ZNF707: variants seen among roughly 807,000 people sequenced by gnomAD.
The protein encoded by ZNF707 is zinc finger protein 707.
Under a neutral mutation model 13.3 loss-of-function variants are expected in ZNF707, and 8 were observed. That is an observed-to-expected ratio of 0.60 (90% CI 0.35 to 1.09). The LOEUF is 1.09. Among genes scored for constraint, ZNF707 ranks in the 50% least tolerant of loss-of-function variants. ZNF707 has a pLI of 0.02. For synonymous variants in ZNF707, 225 were observed against 205.6 expected (o/e 1.09, Z -0.81); for missense variants, 530 against 512.6 (o/e 1.03, Z -0.33).
chr8:143,689,944 T>G, intron 2 of ZNF707, 113 bp from the exon 3 acceptor site: 1 of 789,620 alleles, frequency 1.3e-6, no homozygotes, highest in Non-Finnish European at 2.1e-6. Context: ...TGTGTGTGCA[T>G]CACTCATTTT....
intron 1 of ZNF707, among the ~76,000 whole-genome samples, chr8:143,686,472 G>A (rs1816282213): frequency 6.6e-6 from 1 of 152,180 alleles, no homozygotes; most frequent in Non-Finnish European, 1.5e-5. Flanking sequence ...TGTGCTCAGT[G>A]TGCCTTTTCA....
At chr8:143,691,500 C>T in intron 4 of ZNF707, 100 bp from the exon 5 acceptor site, 1 of 1,330,610 alleles carries the variant, frequency 7.5e-7, no homozygotes, top group Non-Finnish European at 1.0e-6. Flanking sequence ...CTCCCGAGGG[C>T]TGGCCTGGCG....
Position 143,693,799 on chromosome 8 carries a change from G to C in ZNF707, c.385G>C (p.Asp129His), listed in dbSNP as rs1817063760. The change falls in exon 6 of 6, where the codon GAT becomes CAT. Residue 129 changes from aspartate to histidine, a missense_variant. Asp to His is a moderately conservative substitution (Grantham distance 81). Coordinates refer to ENST00000358656, the MANE Select transcript of ZNF707 (RefSeq NM_001100598.2). The surrounding 1 kb of genome is among the most constrained non-coding windows in gnomAD (Gnocchi z 4.1). ...SFRKGFRLDT[D>H]DGQLPRAAPE... is the part of the protein sequence containing the mutation. ...TAGGAAGGGCTTCAGGCTGGACACG[G>C]ATGACGGGCAGCTTCCCAGAGCTGC... is the stretch of plus-strand genomic sequence containing the variant. 2 of 1,612,936 alleles carry C rather than the reference G, an allele frequency of 1.2e-6. No individual in the cohort carries two copies. The highest frequency in any genetic ancestry group is 2.2e-5 in the East Asian group (1 of 44,880).
chr8:143,692,153 A>C, intron 5 of ZNF707: 1 of 1,298,828 alleles, frequency 7.7e-7, no homozygotes, highest in Non-Finnish European at 1.0e-6. Context: ...TTGTTTGCAA[A>C]ACTGGGACAG....
chr8:143,694,647 T>A lies in ZNF707; in HGVS notation c.*117T>A, dbSNP rs1554614897. The A allele has an allele frequency of 1.6e-6, 2 of 1,230,064 alleles. No homozygotes were observed. The highest frequency in any genetic ancestry group is 2.2e-6 in the Non-Finnish European group (2 of 912,684). 76.2% of individuals were successfully genotyped at this position (1,230,064 alleles called of 1,614,324 possible). A position where few individuals can be genotyped will look rare whatever the true frequency, so the allele number is the denominator to read the frequency against. On this transcript the variant is annotated 3_prime_UTR_variant, in exon 6 of 6. Coordinates refer to ENST00000358656, the MANE Select transcript of ZNF707 (RefSeq NM_001100598.2). The surrounding 1 kb of genome is among the most constrained non-coding windows in gnomAD (Gnocchi z 4.4). ...TCAACCTGAATTCAGAGAAGCCTTC[T>A]TAGTCCTCAGAGCTCCCCAGTCCCC...
rs1816660037 is a variant in ZNF707 at position 143,690,035 on chromosome 8, C to T, written c.-52-22C>T. On this transcript the variant is annotated intron_variant, in intron 2 of 5. Transcript: ENST00000358656. ...GGCATTCCCAGGCCGGCTATACCCG[C>T]TTACATTTCTTGTCTCCCCAGATCT... is the stretch of plus-strand genomic sequence containing the variant. 3 of 1,601,370 alleles carry T rather than the reference C, an allele frequency of 1.9e-6. No homozygotes were observed. In the South Asian group the frequency reaches 3.3e-5, roughly 18 times the overall value.
chr8:143,693,380 C>T lies in ZNF707; in HGVS notation c.257-291C>T, dbSNP rs1290279375. Among the ~76,000 whole-genome samples the T allele has an allele frequency of 4.6e-5, 7 of 151,908 alleles. No individual in the cohort carries two copies. The highest frequency in any genetic ancestry group is 1.4e-4 in the African/African-American group (6 of 41,400). ...TCGGCTCACTGCAAGCTCCGCTTCC[C>T]GGGTTCACGCCATTCTCCTGCCTCA... On this transcript the variant is annotated intron_variant, in intron 5 of 5. Transcript: ENST00000358656. The surrounding 1 kb of genome is among the most constrained non-coding windows in gnomAD (Gnocchi z 4.1).
chr8:143,694,710 C>T lies in ZNF707; in HGVS notation c.*180C>T. On this transcript the variant is annotated 3_prime_UTR_variant, in exon 6 of 6. Coordinates refer to ENST00000358656, the MANE Select transcript of ZNF707 (RefSeq NM_001100598.2). This position sits in a 1 kb window ranked among gnomAD's most constrained non-coding sequence, Gnocchi z 4.4. Reference sequence around the variant, plus strand: ...TGGGAAAACTGCCAGGTGGGAGAAGCAGAGCCATGGGTACGCCGGAGATGG... The same window carrying T: ...TGGGAAAACTGCCAGGTGGGAGAAGTAGAGCCATGGGTACGCCGGAGATGG... The T allele has an allele frequency of 1.4e-6, 1 of 699,118 alleles. No individual in the cohort carries two copies. The highest frequency in any genetic ancestry group is 2.3e-6 in the Non-Finnish European group (1 of 441,260). 43.3% of individuals were successfully genotyped at this position (699,118 alleles called of 1,614,324 possible).
intron 5 of ZNF707, chr8:143,691,997 C>G: frequency 1.4e-6 from 2 of 1,460,560 alleles, no homozygotes; most frequent in African/African-American, 1.4e-5. Flanking sequence ...AAGCCTGCAC[C>G]TAGCCACCCA....
In ZNF707 at chr8:143,694,032, C is replaced by T; in HGVS notation, c.618C>T (p.Cys206=). 1 of 1,606,130 alleles carries T rather than the reference C, an allele frequency of 6.2e-7. No individual in the cohort carries two copies. The highest frequency in any genetic ancestry group is 8.5e-7 in the Non-Finnish European group (1 of 1,177,390). Residue 206 remains cysteine (C), a synonymous_variant, in exon 6 of 6, where the codon TGC becomes TGT. Transcript: ENST00000358656. This position sits in a 1 kb window ranked among gnomAD's most constrained non-coding sequence, Gnocchi z 4.4. ...ACACGGGAACCAAGGCCTTCGAGTG[C>T]CCCGAGTGCGGCCAGACCTTCCGGT... ...TVHTGTKAFE[C]PECGQTFRWA... is the part of the protein sequence containing the mutation.
chr8:143,687,364 T>G (rs1554612402), intron 1 of ZNF707: 1 of 152,264 alleles, frequency 6.6e-6, no homozygotes, highest in Non-Finnish European at 1.5e-5. Flanking sequence ...AGACGGAGTT[T>G]TGCTCTTGTT....
At chr8:143,685,715 C>G (rs190510491) in intron 1 of ZNF707, among the ~76,000 whole-genome samples, 1 of 151,994 alleles carries the variant, frequency 6.6e-6, no homozygotes, top group African/African-American at 2.4e-5. Context: ...TTGGCACATG[C>G]GCTTTTGGTC....
rs370083252 is a variant in ZNF707 at position 143,694,958 on chromosome 8, C to T, written c.*428C>T. ...CTGCACCCCATGCTGGCTGCCCGGTCTGGCTTCCCTTCTTGTCTCTGTCTT... is the reference window on the plus strand; with the variant it reads ...CTGCACCCCATGCTGGCTGCCCGGTTTGGCTTCCCTTCTTGTCTCTGTCTT... On this transcript the variant is annotated 3_prime_UTR_variant, in exon 6 of 6. Coordinates refer to ENST00000358656, the MANE Select transcript of ZNF707 (RefSeq NM_001100598.2). This position sits in a 1 kb window ranked among gnomAD's most constrained non-coding sequence, Gnocchi z 4.4. 5.5e-6 allele frequency: 1 copy of T among 180,948 alleles called. No homozygotes were observed. The highest frequency in any genetic ancestry group is 2.4e-5 in the African/African-American group (1 of 42,354). 11.2% of individuals were successfully genotyped at this position (180,948 alleles called of 1,614,324 possible).
intron 1 of ZNF707, chr8:143,687,362 T>C: frequency 6.6e-6 from 1 of 152,010 alleles, no homozygotes; most frequent in Non-Finnish European, 1.5e-5. Flanking sequence ...TAAGACGGAG[T>C]TTTGCTCTTG....
chr8:143,691,539 C>A, intron 4 of ZNF707, 61 bp from the exon 5 acceptor site: 2 of 1,508,368 alleles, frequency 1.3e-6, no homozygotes, highest in African/African-American at 1.4e-5. Context: ...CTGCTCTGAG[C>A]CTCGACCCTC....
chr8:143,691,987 A>C (rs1554613786), intron 5 of ZNF707: 53 of 1,449,324 alleles, frequency 3.7e-5, no homozygotes, highest in Non-Finnish European at 3.7e-6. Flanking sequence ...GTGACACTTG[A>C]AGCCTGCACC....
intron 1 of ZNF707, among the ~76,000 whole-genome samples, chr8:143,685,846 GA>G (rs1322876511): frequency 2.6e-5 from 4 of 151,462 alleles, no homozygotes; most frequent in Admixed American, 1.3e-4. Flanking sequence ...CTGCCTCAGA[GA>G]AAAAAAAATC....
rs1363287180 is a variant in ZNF707, at chr8:143,691,027, T to A, written c.16-46T>A. 2.5e-6 allele frequency: 4 copies of A among 1,611,330 alleles called. No homozygotes were observed. The Admixed American group carries it at 6.7e-5, about 27-fold the overall frequency. ...CCCACCCAGACCTGTGGGCTGAGCC[T>A]TCTTTTTCTTGGGAATGGCCTCTTC... On this transcript the variant is annotated intron_variant, in intron 3 of 5. Coordinates refer to ENST00000358656, the MANE Select transcript of ZNF707 (RefSeq NM_001100598.2).
At position 143,686,616 on chromosome 8, in the gene ZNF707, G is replaced by A. The variant is rs563868732; in HGVS notation, c.-151+2074G>A. Among the ~76,000 whole-genome samples the A allele has an allele frequency of 2.6e-5, 4 of 152,194 alleles. No individual in the cohort carries two copies. In the East Asian group the frequency reaches 7.7e-4, roughly 29 times the overall value. On this transcript the variant is annotated intron_variant, in intron 1 of 5. Transcript: ENST00000358656. ...TATATAAGTCCTTTGTCAGATACAT[G>A]TATTGGGAATATTTTCTCTTAGTCT...
Sources: gnomAD v4.1 joint callset for allele counts (sites outside exome capture counted in the v4.1 genomes callset) on GRCh38, gnomAD v4.1.1 for gene constraint, Gnocchi (gnomAD v3.1) non-coding constraint, MANE v1.5 for transcripts, NCBI Gene and HGNC (gene_info 2026-07-23, HGNC 2026-07-21) for gene names.